The following ARID4B variants were observed in gnomAD, a reference collection of about 807,000 sequenced individuals.
ARID4B encodes AT-rich interaction domain 4B, also known as AT-rich interactive domain-containing protein 4B.
A neutral mutation model predicts 147.5 loss-of-function variants in ARID4B; 26 were observed. The ratio of observed to expected loss-of-function variants is 0.18; its 90% confidence interval spans 0.13 to 0.24. The LOEUF (loss-of-function observed/expected upper bound fraction) is 0.24, where lower values mean the gene tolerates loss of function less well. Ranked by LOEUF, ARID4B falls within the 10% of genes least tolerant of loss-of-function variation. ARID4B has a pLI of 1.00. For missense variants in ARID4B, 1,179 were observed against 1,511.5 expected, an observed-to-expected ratio of 0.78 and a Z score of 3.65; for synonymous variants, 512 against 507.9, an observed-to-expected ratio of 1.01 and a Z score of -0.11.
At chr1:235,185,771 T>C (rs1664631027) in intron 19 of ARID4B, among the ~76,000 whole-genome samples, 1 of 152,242 alleles carries the variant, frequency 6.6e-6, no homozygotes, top group South Asian at 2.1e-4. Flanking sequence ...CTTCCGAATG[T>C]ATTGCTTCTT....
At chr1:235,199,612 G>A (rs1323277584) in intron 17 of ARID4B, among the ~76,000 whole-genome samples, 2 of 152,174 alleles carry the variant, frequency 1.3e-5, no homozygotes, top group African/African-American at 4.8e-5. Context: ...GAAAATAACG[G>A]TAGGGGGCAT....
intron 2 of ARID4B, among the ~76,000 whole-genome samples, chr1:235,270,401 G>A (rs1198684884): frequency 4.6e-5 from 7 of 152,000 alleles, no homozygotes; most frequent in African/African-American, 1.7e-4. Flanking sequence ...GTTTATTTTT[G>A]GTTTTTTACA....
chr1:235,256,168 T>G (rs1330713615), intron 4 of ARID4B, among the ~76,000 whole-genome samples: 1 of 46,362 alleles, frequency 2.2e-5, no homozygotes, highest in Non-Finnish European at 4.6e-5. Flanking sequence ...AGCAAGACTC[T>G]GCCTCAAAAA....
At chr1:235,195,823 A>G (rs570752917) in intron 18 of ARID4B, among the ~76,000 whole-genome samples, 1 of 152,298 alleles carries the variant, frequency 6.6e-6, no homozygotes, top group East Asian at 1.9e-4. Context: ...GGCTTTATAT[A>G]ATGTTGGGAC....
chr1:235,312,965 T>C (rs552588760), intron 2 of ARID4B, among the ~76,000 whole-genome samples: 1 of 148,408 alleles, frequency 6.7e-6, no homozygotes, highest in South Asian at 2.3e-4. Flanking sequence ...ACAGCAAGAT[T>C]CTGCTTCAAG....
rs1332119737 is a variant in ARID4B at position 235,167,336 on chromosome 1, T to C, written c.*1189A>G. 9 of 220,492 alleles carry C rather than the reference T, an allele frequency of 4.1e-5. No individual in the cohort carries two copies. The highest frequency in any genetic ancestry group is 6.4e-5 in the Non-Finnish European group (7 of 109,892). The allele number at this position is 220,492 out of a possible 1,614,324, so 13.7% of individuals were successfully genotyped here. ...TGTATTAACAGTGCCAGATATTAAA[T>C]AGCTTGAATGAACACATCCACAATA... is the stretch of plus-strand genomic sequence containing the variant. On this transcript the variant is annotated 3_prime_UTR_variant, in exon 24 of 24. Coordinates refer to ENST00000264183, the MANE Select transcript of ARID4B (RefSeq NM_016374.6).
intron 2 of ARID4B, among the ~76,000 whole-genome samples, chr1:235,324,336 G>C (rs1460192729): frequency 6.6e-6 from 1 of 152,054 alleles, no homozygotes; most frequent in Non-Finnish European, 1.5e-5. Context: ...AACATACTGT[G>C]AAAAAAGTAA....
intron 2 of ARID4B, among the ~76,000 whole-genome samples, chr1:235,270,904 C>T (rs528004648): frequency 1.3e-5 from 2 of 152,258 alleles, no homozygotes; most frequent in East Asian, 3.9e-4. Context: ...AGAATACAAA[C>T]AGAAACAGAA....
At chr1:235,292,559 T>TG (rs1471710548) in intron 2 of ARID4B, among the ~76,000 whole-genome samples, 1 of 148,592 alleles carries the variant, frequency 6.7e-6, no homozygotes, top group Non-Finnish European at 1.5e-5. Flanking sequence ...GAGGCTGCAG[T>TG]GAGTTGAGAT....
intron 7 of ARID4B, among the ~76,000 whole-genome samples, chr1:235,245,818 A>G (rs962932561): frequency 6.6e-6 from 1 of 152,198 alleles, no homozygotes; most frequent in Non-Finnish European, 1.5e-5. Context: ...GAGATAGGTA[A>G]TATTATTATC....
chr1:235,194,219 A>G lies in ARID4B; in HGVS notation c.1927-8T>C. 6.3e-7 allele frequency: 1 copy of G among 1,578,560 alleles called. No homozygotes were observed. Among genetic ancestry groups the G allele is most frequent in the Non-Finnish European group, 8.7e-7 (1 of 1,149,568 alleles). On this transcript the variant is annotated splice_region_variant and splice_polypyrimidine_tract_variant and intron_variant, in intron 18 of 23. Transcript: ENST00000264183. The stretch of plus-strand genomic sequence containing the variant: ...TTCTTTGTCTAATTTATTCTAGGTT[A>G]AGAAAAAAAGTATGTCGTAATTTAT...
At chr1:235,243,632 T>C (rs1285627274) in intron 7 of ARID4B, among the ~76,000 whole-genome samples, 2 of 152,130 alleles carry the variant, frequency 1.3e-5, no homozygotes, top group African/African-American at 2.4e-5. Context: ...AGACGAACTT[T>C]AGACAAGATA....
Position 235,326,945 on chromosome 1 carries a change from C to T in ARID4B, c.-26G>A. 4 of 1,613,574 alleles carry T rather than the reference C, an allele frequency of 2.5e-6. No individual in the cohort carries two copies. The highest frequency in any genetic ancestry group is 1.7e-5 in the Admixed American group (1 of 59,998). Reference sequence around the variant, plus strand: ...GATGACTCTGGGACCAAGGTATCCTCTAAAACACCAGGTTCAGCTGCACCT... The same window carrying T: ...GATGACTCTGGGACCAAGGTATCCTTTAAAACACCAGGTTCAGCTGCACCT... On this transcript the variant is annotated 5_prime_UTR_variant, in exon 2 of 24. Coordinates refer to ENST00000264183, the MANE Select transcript of ARID4B (RefSeq NM_016374.6).
chr1:235,192,100 TA>T (rs1217237125), intron 19 of ARID4B, among the ~76,000 whole-genome samples: 1 of 151,604 alleles, frequency 6.6e-6, no homozygotes, highest in Non-Finnish European at 1.5e-5. Flanking sequence ...AAAAACACCC[TA>T]AAAAAATGAA....
At chr1:235,219,065 T>C (rs1468413184) in intron 16 of ARID4B, among the ~76,000 whole-genome samples, 1 of 152,064 alleles carries the variant, frequency 6.6e-6, no homozygotes, top group East Asian at 1.9e-4. Context: ...GGTTTCGGTA[T>C]GTTGGCCAGG....
chr1:235,181,648 C>A lies in ARID4B; in HGVS notation c.3271G>T (p.Gly1091Cys), dbSNP rs1363472413. ...CTTGAGCTCACACTGGCATCAAAAC[C>A]TGCTGGCGAGCTATTCCCTTCAGAC... ...LQSEGNSSPA[G>C]FDASVSSSSS... Residue 1091 changes from glycine to cysteine, a missense_variant, in exon 20 of 24, where the codon GGT becomes TGT. Physicochemically the swap from Gly to Cys is radical, Grantham distance 159. Coordinates refer to ENST00000264183, the MANE Select transcript of ARID4B (RefSeq NM_016374.6). The A allele has an allele frequency of 1.2e-6, 2 of 1,614,022 alleles. No homozygotes were observed. The highest frequency in any genetic ancestry group is 3.3e-5 in the Admixed American group (2 of 60,024).
At chr1:235,199,094 GTC>G (rs1665701825) in intron 17 of ARID4B, among the ~76,000 whole-genome samples, 1 of 151,946 alleles carries the variant, frequency 6.6e-6, no homozygotes, top group Non-Finnish European at 1.5e-5. Context: ...ACAAGACTCC[GTC>G]TCAAAAAACA....
intron 16 of ARID4B, among the ~76,000 whole-genome samples, chr1:235,217,236 T>C (rs1468942429): frequency 3.3e-5 from 5 of 152,138 alleles, no homozygotes; most frequent in Non-Finnish European, 5.9e-5. Context: ...ACATAATTAC[T>C]GGCAATCAAC....
chr1:235,291,011 A>T (rs2103210423), intron 2 of ARID4B, among the ~76,000 whole-genome samples: 1 of 152,308 alleles, frequency 6.6e-6, no homozygotes, highest in Non-Finnish European at 1.5e-5. Context: ...AGGTTGGAAG[A>T]TTGCTTGAGC....
Sources: gnomAD v4.1 joint callset for allele counts (sites outside exome capture counted in the v4.1 genomes callset) on GRCh38, gnomAD v4.1.1 for gene constraint, MANE v1.5 for transcripts, NCBI Gene and HGNC (gene_info 2026-07-23, HGNC 2026-07-21) for gene names.